Variants in STK3 observed in about 807,000 individuals in gnomAD.
The protein encoded by STK3 is serine/threonine-protein kinase 3.
Under a neutral mutation model 58.0 loss-of-function variants are expected in STK3, and 41 were observed. That is an observed-to-expected ratio of 0.71 (90% confidence interval 0.55 to 0.92). The LOEUF is 0.92. Ranked by LOEUF, STK3 falls within the 40% of genes least tolerant of loss-of-function variation. The probability of loss-of-function intolerance (pLI) is 0.00; values close to 1 mark genes in which losing one functional copy is unlikely to be tolerated. For synonymous variants in STK3, 170 were observed against 191.0 expected (o/e 0.89, Z 0.91); for missense variants, 479 against 602.7 (o/e 0.79, Z 2.15).
intron 1 of STK3, among the ~76,000 whole-genome samples, chr8:98,785,760 T>C (rs1380326516): frequency 2.0e-5 from 3 of 151,676 alleles, no homozygotes; most frequent in Admixed American, 1.3e-4. Context: ...CATAGGACTA[T>C]AAAAACAAAG....
intron 10 of STK3, among the ~76,000 whole-genome samples, chr8:98,509,983 A>G (rs1192435270): frequency 6.6e-6 from 1 of 152,070 alleles, no homozygotes; most frequent in Non-Finnish European, 1.5e-5. Context: ...AGGACTCAAT[A>G]TCAGGTATTT....
At chr8:98,403,241 C>T (rs1026203525) in intron 3 of STK3, among the ~76,000 whole-genome samples, 5 of 152,204 alleles carry the variant, frequency 3.3e-5, no homozygotes, top group Admixed American at 1.3e-4. Context: ...CCAAAAACCC[C>T]AGACTTGAGT....
intron 1 of STK3, among the ~76,000 whole-genome samples, chr8:98,384,980 C>T (rs1390247538): frequency 1.3e-5 from 2 of 152,160 alleles, no homozygotes; most frequent in African/African-American, 4.8e-5. Flanking sequence ...CTTTCTTTCA[C>T]CTTATGGCCC....
chr8:98,370,699 T>C (rs147706471), downstream of STK3, among the ~76,000 whole-genome samples: 3 of 152,322 alleles, frequency 2.0e-5, no homozygotes, highest in East Asian at 5.8e-4. Context: ...TCTCTTGTTC[T>C]TGGAACCAGC....
At chr8:98,609,838 T>C (rs767142915) in intron 6 of STK3, among the ~76,000 whole-genome samples, 8 of 151,828 alleles carry the variant, frequency 5.3e-5, no homozygotes, top group Admixed American at 2.0e-4. Context: ...CGGGCACCTG[T>C]AGTCCCAGCT....
At chr8:98,785,266 G>A (rs372902317) in intron 1 of STK3, among the ~76,000 whole-genome samples, 21 of 152,126 alleles carry the variant, frequency 1.4e-4, no homozygotes, top group South Asian at 2.1e-4. Flanking sequence ...ACCCTCCTCC[G>A]CAGAAATCTT....
chr8:98,799,890 C>T lies in STK3; in HGVS notation c.27-25071G>A, dbSNP rs543874751. Among the ~76,000 whole-genome samples, 3 of 152,288 alleles carry T rather than the reference C, an allele frequency of 2.0e-5. No homozygotes were observed. In the South Asian group the frequency reaches 6.2e-4, roughly 32 times the overall value. On this transcript the variant is annotated intron_variant, in intron 1 of 10. Coordinates refer to ENST00000419617, the MANE Select transcript of STK3 (RefSeq NM_006281.4). ...TAGACTCTTTAGCAGCAGTGACTCT[C>T]CAAAACTGCCGAGGCCTAGACCTCC...
intron 1 of STK3, chr8:98,921,154 T>C (rs1839543503): frequency 6.6e-6 from 1 of 152,196 alleles, no homozygotes; most frequent in African/African-American, 2.4e-5. Flanking sequence ...AGTGTAATTA[T>C]TTGTCTACTA....
downstream of STK3, among the ~76,000 whole-genome samples, chr8:98,453,851 G>T (rs762661412): frequency 1.3e-5 from 2 of 152,096 alleles, no homozygotes; most frequent in African/African-American, 2.4e-5. Context: ...GCAAGATATC[G>T]AACAGGTTAG....
the STK3 span, among the ~76,000 whole-genome samples, chr8:98,348,899 C>T: frequency 6.6e-6 from 1 of 152,268 alleles, no homozygotes; most frequent in South Asian, 2.1e-4. Flanking sequence ...CAATAATGCT[C>T]CCTGGTATTT....
chr8:98,491,809 T>G (rs1822724529), intron 10 of STK3, among the ~76,000 whole-genome samples: 1 of 152,202 alleles, frequency 6.6e-6, no homozygotes, highest in Non-Finnish European at 1.5e-5. Flanking sequence ...TTTCTATACT[T>G]ATAATAAAGT....
intron 1 of STK3, among the ~76,000 whole-genome samples, chr8:98,802,701 T>C (rs1342353388): frequency 6.6e-6 from 1 of 152,160 alleles, no homozygotes; most frequent in African/African-American, 2.4e-5. Flanking sequence ...AGAAGGAAAT[T>C]AAATGTCCAA....
At chr8:98,614,012 A>G (rs1213423023) in intron 6 of STK3, among the ~76,000 whole-genome samples, 1 of 152,230 alleles carries the variant, frequency 6.6e-6, no homozygotes, top group East Asian at 1.9e-4. Context: ...ACTAATGTAT[A>G]TGTACCAACC....
chr8:98,368,005 T>G (rs188480579), downstream of STK3, among the ~76,000 whole-genome samples: 34 of 152,324 alleles, frequency 2.2e-4, 1 homozygote, highest in Admixed American at 1.2e-3. Flanking sequence ...ACCACTCACA[T>G]CTGCGCTGTG....
chr8:98,509,192 T>A (rs1468439007), intron 10 of STK3, among the ~76,000 whole-genome samples: 3 of 152,066 alleles, frequency 2.0e-5, no homozygotes, highest in Admixed American at 6.6e-5. Context: ...CAAAATATAT[T>A]TAGACAGAAT....
intron 6 of STK3, among the ~76,000 whole-genome samples, chr8:98,600,066 T>C (rs1441822793): frequency 6.6e-6 from 1 of 152,148 alleles, no homozygotes; most frequent in Non-Finnish European, 1.5e-5. Context: ...AAATCTAAAG[T>C]GAAACTTTCT....
chr8:98,771,638 C>G (rs1831322253), intron 2 of STK3, among the ~76,000 whole-genome samples: 1 of 151,998 alleles, frequency 6.6e-6, no homozygotes, highest in South Asian at 2.1e-4. Flanking sequence ...AATCTCGGCT[C>G]ACTGCAACCT....
At chr8:98,762,018 G>A (rs979460976) in intron 3 of STK3, among the ~76,000 whole-genome samples, 2 of 152,066 alleles carry the variant, frequency 1.3e-5, no homozygotes, top group African/African-American at 4.8e-5. Context: ...TCTTTGCCCA[G>A]CAAATCTAAC....
chr8:98,868,629 C>T (rs1424902458), intron 3 of STK3, among the ~76,000 whole-genome samples: 1 of 152,068 alleles, frequency 6.6e-6, no homozygotes, highest in Non-Finnish European at 1.5e-5. Flanking sequence ...TAAATTGTGG[C>T]CTCCAAAAAG....
Sources: gnomAD v4.1 joint callset for allele counts (sites outside exome capture counted in the v4.1 genomes callset) on GRCh38, gnomAD v4.1.1 for gene constraint, MANE v1.5 for transcripts, NCBI Gene and HGNC (gene_info 2026-07-23, HGNC 2026-07-21) for gene names.